PAPPA2: variants seen among roughly 807,000 people sequenced by gnomAD.
PAPPA2 encodes the protein pappalysin-2.
PAPPA2 carries 86 observed loss-of-function variants against 176.4 expected under a neutral mutation model. The ratio of observed to expected loss-of-function variants is 0.49; its 90% CI spans 0.41 to 0.58. The LOEUF (loss-of-function observed/expected upper bound fraction) is 0.58. PAPPA2 is among the 20% of genes least tolerant of loss of function. The pLI is 0.00. For synonymous variants in PAPPA2, 809 were observed against 852.2 expected (o/e 0.95, Z 0.88); for missense variants, 2,073 against 2,256.9 (o/e 0.92, Z 1.65).
intron 1 of PAPPA2, among the ~76,000 whole-genome samples, chr1:176,552,003 C>A (rs1049492387): frequency 1.3e-5 from 2 of 152,068 alleles, no homozygotes; most frequent in Admixed American, 6.5e-5. Context: ...TTTTGTAAAA[C>A]GTGTCCAGTC....
intron 14 of PAPPA2, among the ~76,000 whole-genome samples, chr1:176,745,382 A>G (rs1196104478): frequency 6.6e-6 from 1 of 152,180 alleles, no homozygotes; most frequent in East Asian, 1.9e-4. Context: ...AGCTTGAGAA[A>G]TAGTGATGCT....
At chr1:176,481,357 T>C (rs1207718656) in intron 1 of PAPPA2, among the ~76,000 whole-genome samples, 2 of 151,450 alleles carry the variant, frequency 1.3e-5, no homozygotes, top group African/African-American at 4.8e-5. Flanking sequence ...GCCGGGGCCT[T>C]CGACATGGCT....
intron 2 of PAPPA2, among the ~76,000 whole-genome samples, chr1:176,586,623 C>T (rs1303207331): frequency 6.6e-6 from 1 of 152,170 alleles, no homozygotes; most frequent in Non-Finnish European, 1.5e-5. Flanking sequence ...GACATGATCT[C>T]TTTCCTTTTT....
chr1:176,485,575 C>G (rs2102485906), intron 1 of PAPPA2, among the ~76,000 whole-genome samples: 1 of 152,236 alleles, frequency 6.6e-6, no homozygotes, highest in South Asian at 2.1e-4. Context: ...CTTCATAGCA[C>G]TTACCACTCC....
intron 21 of PAPPA2, among the ~76,000 whole-genome samples, chr1:176,833,966 T>G (rs1036327770): frequency 2.6e-5 from 4 of 152,124 alleles, no homozygotes; most frequent in Non-Finnish European, 5.9e-5. Context: ...GTTATGTGAT[T>G]CTCATAAGGT....
rs528109600 is a variant in PAPPA2, at chr1:176,611,717, T to C, written c.1991+16122T>C. 3.5e-4 allele frequency among the ~76,000 whole-genome samples: 54 copies of C among 152,348 alleles called. No individual in the cohort carries two copies. The East Asian group carries it at 9.8e-3, about 28-fold the overall frequency. On this transcript the variant is annotated intron_variant, in intron 3 of 22. Transcript: ENST00000367662. ...ATTCTTGGGGAGCTATTAGAGCATC[T>C]TTATGAGATTAATTTGAGTGGCTTA...
intron 3 of PAPPA2, among the ~76,000 whole-genome samples, chr1:176,599,825 T>C (rs1654209997): frequency 6.6e-6 from 1 of 152,052 alleles, no homozygotes; most frequent in African/African-American, 2.4e-5. Context: ...CTTTTAAATC[T>C]CTACCTATGA....
chr1:176,591,809 G>C (rs1653685639), intron 2 of PAPPA2, among the ~76,000 whole-genome samples: 1 of 152,140 alleles, frequency 6.6e-6, no homozygotes, highest in Non-Finnish European at 1.5e-5. Context: ...TAAGATGCGT[G>C]ATCTAGTATA....
chr1:176,543,340 A>G (rs1433915240), intron 1 of PAPPA2, among the ~76,000 whole-genome samples: 2 of 152,154 alleles, frequency 1.3e-5, no homozygotes, highest in African/African-American at 2.4e-5. Context: ...GTACACAAGC[A>G]CTAGACTCTG....
intron 1 of PAPPA2, among the ~76,000 whole-genome samples, chr1:176,505,047 AGT>A (rs1648179753): frequency 6.6e-6 from 1 of 152,094 alleles, no homozygotes. Context: ...ACAGTAAAAC[AGT>A]GTGAAAATCC....
intron 3 of PAPPA2, chr1:176,616,812 CAAT>C (rs1655290622): frequency 1.4e-6 from 1 of 738,862 alleles, no homozygotes; most frequent in South Asian, 1.5e-5. Flanking sequence ...AAAAAATACT[CAAT>C]AGGGTTATGA....
At chr1:176,641,853 A>G (rs1657110681) in intron 3 of PAPPA2, among the ~76,000 whole-genome samples, 1 of 151,894 alleles carries the variant, frequency 6.6e-6, no homozygotes. Flanking sequence ...TGATGGAGGT[A>G]TTATTGAGCC....
intron 4 of PAPPA2, among the ~76,000 whole-genome samples, chr1:176,673,948 A>T (rs921301925): frequency 7.9e-5 from 12 of 152,134 alleles, no homozygotes; most frequent in African/African-American, 2.4e-5. Flanking sequence ...GGGCAACTAA[A>T]ACTTGAGAGA....
Position 176,674,817 on chromosome 1 carries a change from G to T in PAPPA2, c.2137+3702G>T, listed in dbSNP as rs527419825. On this transcript the variant is annotated intron_variant, in intron 4 of 22. Transcript: ENST00000367662. ...CAGTAGTGGGATTGCTGGATCAAAAGGTAAATCTACTTTTAGTTCTTAAGG... is the reference window on the plus strand; with the variant it reads ...CAGTAGTGGGATTGCTGGATCAAAATGTAAATCTACTTTTAGTTCTTAAGG... Among the ~76,000 whole-genome samples, 55 of 150,746 alleles carry T rather than the reference G, an allele frequency of 3.6e-4. No individual in the cohort carries two copies. The South Asian group carries it at 0.011, about 31-fold the overall frequency.
intron 3 of PAPPA2, among the ~76,000 whole-genome samples, chr1:176,606,520 A>G (rs1654620486): frequency 6.6e-6 from 1 of 152,206 alleles, no homozygotes; most frequent in Non-Finnish European, 1.5e-5. Context: ...GCTGGAGTAC[A>G]GTGGCGTGAT....
At chr1:176,665,535 T>C (rs1658592638) in intron 3 of PAPPA2, among the ~76,000 whole-genome samples, 1 of 152,196 alleles carries the variant, frequency 6.6e-6, no homozygotes, top group Non-Finnish European at 1.5e-5. Flanking sequence ...ATCAGTACTT[T>C]GTTTTGTTAT....
At chr1:176,625,191 A>G (rs1655937956) in intron 3 of PAPPA2, among the ~76,000 whole-genome samples, 1 of 152,224 alleles carries the variant, frequency 6.6e-6, no homozygotes, top group South Asian at 2.1e-4. Flanking sequence ...GTCTGACAGC[A>G]TCATCAATTC....
intron 1 of PAPPA2, among the ~76,000 whole-genome samples, chr1:176,477,780 TAAAATA>T (rs1175464494): frequency 2.0e-5 from 3 of 151,412 alleles, no homozygotes; most frequent in Non-Finnish European, 2.9e-5. Flanking sequence ...AAAAAATAAA[TAAAATA>T]AAATAAAATA....
rs189818659 is a variant in PAPPA2, at chr1:176,742,952, A to C, written c.4151+2756A>C. ...AGTGGCCCATCCCTCCTGCAACACT[A>C]CACTTTAAAACCAACCTGATTGGCC... is the stretch of plus-strand genomic sequence containing the variant. On this transcript the variant is annotated intron_variant, in intron 14 of 22. Transcript: ENST00000367662. Among the ~76,000 whole-genome samples, 289 of 152,252 alleles carry C rather than the reference A, an allele frequency of 1.9e-3. 1 individual carries two copies. Among genetic ancestry groups the C allele is most frequent in the African/African-American group, 6.6e-3 (274 of 41,548 alleles).
Sources: allele counts gnomAD v4.1 joint callset (sites outside exome capture counted in the v4.1 genomes callset), GRCh38; gene constraint gnomAD v4.1.1; transcripts MANE v1.5; gene names NCBI Gene and HGNC (gene_info 2026-07-23, HGNC 2026-07-21).